Variants in HSF4 observed in about 807,000 individuals in gnomAD.
HSF4 encodes heat shock factor protein 4.
HSF4 carries 41 observed loss-of-function variants against 52.0 expected under a neutral mutation model. The observed-to-expected ratio is 0.79, with a 90% CI of 0.61 to 1.02. The LOEUF is 1.02. HSF4 is among the 50% of genes least tolerant of loss of function. HSF4 has a pLI of 0.00. For synonymous variants in HSF4, 285 were observed against 273.0 expected (o/e 1.04, Z -0.43); for missense variants, 610 against 651.1 (o/e 0.94, Z 0.69).
Position 67,164,778 on chromosome 16 carries a change from G to C in HSF4, c.-34G>C. On this transcript the variant is annotated 5_prime_UTR_variant, in exon 1 of 13. Transcript: ENST00000521374. ...CGGCTTTGACGAGCCCGCAGCGGCC[G>C]GGCCCGAGCGCAGAGCCGGGCCGAG... 6.4e-7 allele frequency: 1 copy of C among 1,572,570 alleles called. No individual in the cohort carries two copies. The highest frequency in any genetic ancestry group is 8.6e-7 in the Non-Finnish European group (1 of 1,168,000).
upstream of HSF4, chr16:67,163,962 G>C (rs1236212160): frequency 2.3e-6 from 3 of 1,308,106 alleles, no homozygotes; most frequent in Non-Finnish European, 3.2e-6. Context: ...GAACTGTGAT[G>C]GCATCGGGAC....
Position 67,166,016 on chromosome 16 carries a change from A to G in HSF4, c.431A>G (p.Gln144Arg). 1.4e-6 allele frequency: 2 copies of G among 1,450,066 alleles called. No homozygotes were observed. The highest frequency in any genetic ancestry group is 1.8e-6 in the Non-Finnish European group (2 of 1,095,744). 89.8% of individuals were successfully genotyped at this position (1,450,066 alleles called of 1,614,324 possible). The part of the protein sequence containing the change: ...EDLGRLLGEV[Q>R]ALRGVQESTE... The stretch of plus-strand genomic sequence containing the variant: ...CTGGGTCGACTACTGGGCGAGGTGC[A>G]GGCTTTGCGGGGAGTGCAGGAGAGC... The change falls in exon 4 of 13, where the codon CAG (glutamine) becomes CGG (arginine). Residue 144 changes from glutamine (Q) to arginine (R), a missense_variant. Coordinates refer to ENST00000521374, the MANE Select transcript of HSF4 (RefSeq NM_001374675.1).
At chr16:67,164,365 C>T (rs879114430), upstream of HSF4, 1 of 393,306 alleles carries the variant, frequency 2.5e-6, no homozygotes, top group Admixed American at 2.9e-5. Context: ...CGGGAGGGGG[C>T]GTGCTTCCCT....
Position 67,166,636 on chromosome 16 carries a change from C to T in HSF4, c.626+14C>T, listed in dbSNP as rs1484746328. ...CAAGAGAAAGCTGTGAGTGAGAAAG[C>T]CAAGAAGGCCCACACCCACTTCCAA... is the stretch of plus-strand genomic sequence containing the variant. On this transcript the variant is annotated intron_variant, in intron 6 of 12. Coordinates refer to ENST00000521374, the MANE Select transcript of HSF4 (RefSeq NM_001374675.1). 6.2e-7 allele frequency: 1 copy of T among 1,612,404 alleles called. No individual in the cohort carries two copies. Among genetic ancestry groups the T allele is most frequent in the Admixed American group, 1.7e-5 (1 of 60,026 alleles).
At position 67,165,556 on chromosome 16, in the gene HSF4, G is replaced by A. The variant is rs761168989; in HGVS notation, c.158G>A (p.Arg53His). 4 of 1,613,288 alleles carry A rather than the reference G, an allele frequency of 2.5e-6. No homozygotes were observed. Among genetic ancestry groups the A allele is most frequent in the Non-Finnish European group, 2.5e-6 (3 of 1,179,918 alleles). Residue 53 changes from arginine to histidine, a missense_variant, in exon 2 of 13, where the codon CGT becomes CAT. Transcript: ENST00000521374. This position sits in a 1 kb window ranked among gnomAD's most constrained non-coding sequence, Gnocchi z 6.9. ...GTSFLVSDQS[R>H]FAKEVLPQYF... The stretch of plus-strand genomic sequence containing the variant: ...AGTTTCCTCGTAAGCGACCAGAGCC[G>A]TTTCGCCAAGGAAGTGCTGCCCCAG...
intron 9 of HSF4, among the ~76,000 whole-genome samples, chr16:67,168,171 A>G (rs2031442774): frequency 6.6e-6 from 1 of 152,194 alleles, no homozygotes; most frequent in Non-Finnish European, 1.5e-5. Flanking sequence ...CAAAGTACAC[A>G]ATAGTTTAAG....
chr16:67,168,718 C>A, intron 9 of HSF4, 113 bp from the exon 10 acceptor site: 2 of 816,222 alleles, frequency 2.5e-6, no homozygotes, highest in Admixed American at 1.8e-5. Context: ...GGATGGGGAT[C>A]CTCTCCTATC....
In HSF4 at chr16:67,167,541, C is replaced by T; in HGVS notation, c.796C>T (p.Pro266Ser). 1 of 1,613,770 alleles carries T rather than the reference C, an allele frequency of 6.2e-7. No homozygotes were observed. Among genetic ancestry groups the T allele is most frequent in the South Asian group, 1.1e-5 (1 of 91,090 alleles). The change falls in exon 8 of 13, where the codon CCA becomes TCA. Residue 266 changes from proline to serine, a missense_variant. Pro to Ser is a moderately conservative substitution (Grantham distance 74). Transcript: ENST00000521374. ...RARGPIISDI[P>S]EDSPSPEGTR... ...CAGGGGCCCCATCATCTCTGACATC[C>T]CAGAAGACTCTCCATCCCCTGAGGG...
intron 4 of HSF4, 73 bp downstream of exon 4, chr16:67,166,143 A>T: frequency 6.8e-7 from 1 of 1,464,522 alleles, no homozygotes; most frequent in Non-Finnish European, 9.2e-7. Flanking sequence ...GCCGGCCAGC[A>T]GTTCTGGGCA....
chr16:67,165,012 C>A lies in HSF4; in HGVS notation c.123+78C>A. The stretch of plus-strand genomic sequence containing the variant: ...CAGTGAACACCCATGCCCGCCCAAC[C>A]CCCTCCTGAGACTGGGCCGTGGATC... On this transcript the variant is annotated intron_variant, in intron 1 of 12. Transcript: ENST00000521374. This position sits in a 1 kb window ranked among gnomAD's most constrained non-coding sequence, Gnocchi z 6.9. 1 of 1,432,368 alleles carries A rather than the reference C, an allele frequency of 7.0e-7. No homozygotes were observed. Among genetic ancestry groups the A allele is most frequent in the South Asian group, 1.3e-5 (1 of 75,522 alleles). 88.7% of individuals were successfully genotyped at this position (1,432,368 alleles called of 1,614,324 possible). A position where few individuals can be genotyped will look rare whatever the true frequency, so the allele number is the denominator to read the frequency against.
At chr16:67,166,464 CG>C in intron 5 of HSF4, 69 bp downstream of exon 5, 1 of 1,591,780 alleles carries the variant, frequency 6.3e-7, no homozygotes, top group Non-Finnish European at 8.6e-7. Context: ...CCCAGTCCCC[CG>C]GCGCCCCTGT....
At chr16:67,164,720 G>A, upstream of HSF4, 1 of 1,436,448 alleles carries the variant, frequency 7.0e-7, no homozygotes. Context: ...GGGCGGAGTA[G>A]GGCGGAGCGG....
upstream of HSF4, chr16:67,164,055 C>G (rs542997883): frequency 4.2e-6 from 3 of 710,364 alleles, no homozygotes; most frequent in East Asian, 2.7e-5. Flanking sequence ...CACTGCCCCC[C>G]TCTCTTGCCT....
At position 67,166,094 on chromosome 16, in the gene HSF4, G is replaced by A. The variant is rs948397186; in HGVS notation, c.485+24G>A. On this transcript the variant is annotated intron_variant, in intron 4 of 12. Coordinates refer to ENST00000521374, the MANE Select transcript of HSF4 (RefSeq NM_001374675.1). ...CAGTGCGGGGGCGGGCGGGGAAAGAGGGGACAGGGGTGGGGGGTTCGGGAT... is the reference window on the plus strand; with the variant it reads ...CAGTGCGGGGGCGGGCGGGGAAAGAAGGGACAGGGGTGGGGGGTTCGGGAT... 2.0e-6 allele frequency: 3 copies of A among 1,505,908 alleles called. No individual in the cohort carries two copies. In the African/African-American group the frequency reaches 4.1e-5, roughly 21 times the overall value. 93.3% of individuals were successfully genotyped at this position (1,505,908 alleles called of 1,614,324 possible).
In HSF4 at chr16:67,165,679, G is replaced by A. The variant is rs1017647307; in HGVS notation, c.233-40G>A. On this transcript the variant is annotated intron_variant, in intron 2 of 12. Coordinates refer to ENST00000521374, the MANE Select transcript of HSF4 (RefSeq NM_001374675.1). This position sits in a 1 kb window ranked among gnomAD's most constrained non-coding sequence, Gnocchi z 6.9. ...GAGCGGGGATGGGGGACTCGGTGCC[G>A]GGGATGGGGCGACCCACGCCCCCAC... 8 of 1,612,154 alleles carry A rather than the reference G, an allele frequency of 5.0e-6. No homozygotes were observed. The highest frequency in any genetic ancestry group is 5.9e-6 in the Non-Finnish European group (7 of 1,179,814).
chr16:67,166,100 AGGGGTGG>A, intron 4 of HSF4, 30 bp downstream of exon 4: 2 of 481,268 alleles, frequency 4.2e-6, no homozygotes, highest in Non-Finnish European at 3.4e-6. Context: ...AAGAGGGGAC[AGGGGTGG>A]GGGGTTCGGG....
At chr16:67,164,191 A>C, upstream of HSF4, 6 of 493,670 alleles carry the variant, frequency 1.2e-5, no homozygotes, top group Non-Finnish European at 1.2e-5. Flanking sequence ...CGTCCTATTA[A>C]AGGCGGGGTC....
rs375190952 is a variant in HSF4, at chr16:67,165,696, C to A, written c.233-23C>A. ...TCGGTGCCGGGGATGGGGCGACCCACGCCCCCACGCCCCACTCCCCAGACG... is the reference window on the plus strand; with the variant it reads ...TCGGTGCCGGGGATGGGGCGACCCAAGCCCCCACGCCCCACTCCCCAGACG... On this transcript the variant is annotated intron_variant, in intron 2 of 12. Transcript: ENST00000521374. This position sits in a 1 kb window ranked among gnomAD's most constrained non-coding sequence, Gnocchi z 6.9. 2.5e-4 allele frequency: 408 copies of A among 1,611,772 alleles called. 1 individual carries two copies. In the African/African-American group the frequency reaches 4.8e-3, roughly 19 times the overall value.
rs746986208 is a variant in HSF4 at position 67,164,977 on chromosome 16, C to T, written c.123+43C>T. 1.7e-5 allele frequency: 27 copies of T among 1,543,692 alleles called. No homozygotes were observed. The South Asian group carries it at 2.6e-4, about 15-fold the overall frequency. On this transcript the variant is annotated intron_variant, in intron 1 of 12. Transcript: ENST00000521374. ...TCGATTCCCCCTGTGGTCCCGGGGT[C>T]CCTCCACGTCAGTGAACACCCATGC...
Sources: gnomAD v4.1 joint callset for allele counts (sites outside exome capture counted in the v4.1 genomes callset) on GRCh38, gnomAD v4.1.1 for gene constraint, Gnocchi (gnomAD v3.1) non-coding constraint, MANE v1.5 for transcripts, NCBI Gene and HGNC (gene_info 2026-07-23, HGNC 2026-07-21) for gene names.